SH3BGRL2: variants seen among roughly 807,000 people sequenced by gnomAD.
SH3BGRL2 encodes SH3 domain-binding glutamic acid-rich-like protein 2.
In SH3BGRL2, 21 loss-of-function variants were observed where a neutral mutation model predicts 14.8. The observed-to-expected ratio is 1.42, with a 90% CI of 1.01 to 2.05. The LOEUF (loss-of-function observed/expected upper bound fraction) is 2.05, where lower values mean the gene tolerates loss of function less well. SH3BGRL2 is among the 30% of genes most tolerant of loss of function. The pLI, the probability that SH3BGRL2 is intolerant of heterozygous loss-of-function variation, is 0.00. For missense variants in SH3BGRL2, 147 were observed against 130.8 expected (o/e 1.12, Z -0.61); for synonymous variants, 50 against 47.8 (o/e 1.05, Z -0.19).
the SH3BGRL2 span, among the ~76,000 whole-genome samples, chr6:79,566,330 A>G: frequency 6.6e-6 from 1 of 152,174 alleles, no homozygotes; most frequent in South Asian, 2.1e-4. Context: ...ACCTCAAGTT[A>G]TACTCAAACA....
the SH3BGRL2 span, among the ~76,000 whole-genome samples, chr6:79,615,998 T>C: frequency 6.6e-6 from 1 of 152,148 alleles, no homozygotes; most frequent in African/African-American, 2.4e-5. Context: ...CTACTTTTTG[T>C]AGAGACAGGG....
chr6:79,618,099 A>T, the SH3BGRL2 span, among the ~76,000 whole-genome samples: 3 of 152,202 alleles, frequency 2.0e-5, no homozygotes, highest in African/African-American at 7.2e-5. Flanking sequence ...AAGCATATCT[A>T]TGTAAAGAAG....
the SH3BGRL2 span, among the ~76,000 whole-genome samples, chr6:79,597,570 C>T: frequency 6.6e-6 from 1 of 152,080 alleles, no homozygotes; most frequent in Non-Finnish European, 1.5e-5. Flanking sequence ...GATCCACATG[C>T]AGAAGAATGA....
intron 2 of SH3BGRL2, among the ~76,000 whole-genome samples, chr6:79,688,822 A>C (rs1770152515): frequency 6.6e-6 from 1 of 152,150 alleles, no homozygotes; most frequent in South Asian, 2.1e-4. Context: ...AAATTATTTC[A>C]CATGCATTTA....
the SH3BGRL2 span, among the ~76,000 whole-genome samples, chr6:79,545,809 A>G: frequency 1.3e-5 from 2 of 152,220 alleles, no homozygotes; most frequent in African/African-American, 2.4e-5. Context: ...GAGAAAAGCT[A>G]AGCCTGATGG....
At chr6:79,588,884 C>T in the SH3BGRL2 span, among the ~76,000 whole-genome samples, 3 of 152,016 alleles carry the variant, frequency 2.0e-5, no homozygotes, top group Non-Finnish European at 4.4e-5. Context: ...CCATTGTGCC[C>T]AGGGCTGATT....
chr6:79,607,991 A>G, the SH3BGRL2 span, among the ~76,000 whole-genome samples: 2 of 152,176 alleles, frequency 1.3e-5, no homozygotes, highest in Non-Finnish European at 2.9e-5. Flanking sequence ...ATGGTTCCTC[A>G]GGCTGTACAG....
chr6:79,647,464 T>C (rs917913974), intron 1 of SH3BGRL2, among the ~76,000 whole-genome samples: 1 of 152,170 alleles, frequency 6.6e-6, no homozygotes, highest in Non-Finnish European at 1.5e-5. Context: ...CTCCTATGTA[T>C]TTATGAATAT....
the SH3BGRL2 span, among the ~76,000 whole-genome samples, chr6:79,553,710 G>T: frequency 1.3e-5 from 2 of 152,062 alleles, no homozygotes; most frequent in African/African-American, 4.8e-5. Context: ...GGTGGCTCAC[G>T]CCTGTAATCC....
upstream of SH3BGRL2, among the ~76,000 whole-genome samples, chr6:79,627,144 C>G (rs1349817515): frequency 6.6e-6 from 1 of 152,162 alleles, no homozygotes; most frequent in Non-Finnish European, 1.5e-5. Flanking sequence ...TCAACTTGCT[C>G]AAAGCTTCTC....
chr6:79,667,475 C>T (rs1159031332), intron 1 of SH3BGRL2, among the ~76,000 whole-genome samples: 5 of 150,842 alleles, frequency 3.3e-5, no homozygotes, highest in African/African-American at 9.7e-5. Flanking sequence ...GAGACAGAGT[C>T]TCACTCTGTC....
chr6:79,545,974 C>G, the SH3BGRL2 span, among the ~76,000 whole-genome samples: 1 of 151,972 alleles, frequency 6.6e-6, no homozygotes, highest in Non-Finnish European at 1.5e-5. Flanking sequence ...ATGAATAACA[C>G]TGACTTTCCA....
the SH3BGRL2 span, among the ~76,000 whole-genome samples, chr6:79,545,167 A>G: frequency 1.3e-5 from 2 of 152,092 alleles, no homozygotes; most frequent in Non-Finnish European, 2.9e-5. Context: ...CTTAACAATG[A>G]CCTGTTTCCC....
chr6:79,562,930 C>A, the SH3BGRL2 span, among the ~76,000 whole-genome samples: 1 of 152,136 alleles, frequency 6.6e-6, no homozygotes, highest in South Asian at 2.1e-4. Flanking sequence ...GTGGGTTGGA[C>A]AAGCTTGGTC....
intron 2 of SH3BGRL2, among the ~76,000 whole-genome samples, chr6:79,688,898 A>G (rs1300651085): frequency 6.6e-6 from 1 of 152,052 alleles, no homozygotes; most frequent in Non-Finnish European, 1.5e-5. Flanking sequence ...GTTTCACTTT[A>G]TATTTATGTA....
the SH3BGRL2 span, among the ~76,000 whole-genome samples, chr6:79,610,065 A>G: frequency 6.6e-5 from 10 of 152,238 alleles, no homozygotes; most frequent in Non-Finnish European, 1.3e-4. Flanking sequence ...CTGAGTTTAC[A>G]TTCGCTCCTT....
chr6:79,588,134 A>T, the SH3BGRL2 span, among the ~76,000 whole-genome samples: 3 of 152,132 alleles, frequency 2.0e-5, no homozygotes, highest in Admixed American at 2.0e-4. Context: ...TCTACTAAAA[A>T]TACAAAAAAT....
At chr6:79,677,007 A>G (rs750073204) in intron 2 of SH3BGRL2, among the ~76,000 whole-genome samples, 3 of 152,104 alleles carry the variant, frequency 2.0e-5, no homozygotes, top group Non-Finnish European at 2.9e-5. Flanking sequence ...CACGACAGCT[A>G]TTGGCGTATG....
rs899615087 is a variant in SH3BGRL2 at position 79,701,806 on chromosome 6, T to A, written c.*2297T>A. 2.0e-5 allele frequency: 3 copies of A among 152,538 alleles called. No individual in the cohort carries two copies. Among genetic ancestry groups the A allele is most frequent in the East Asian group, 1.9e-4 (1 of 5,176 alleles). 9.4% of individuals were successfully genotyped at this position (152,538 alleles called of 1,614,324 possible). ...TTACTTGTATTCTTTTATCAGCTGA[T>A]TTTGAAACATATAATAATGATTTTC... is the stretch of plus-strand genomic sequence containing the variant. On this transcript the variant is annotated 3_prime_UTR_variant, in exon 4 of 4. Transcript: ENST00000369838.
Sources: allele counts gnomAD v4.1 joint callset (sites outside exome capture counted in the v4.1 genomes callset), GRCh38; gene constraint gnomAD v4.1.1; transcripts MANE v1.5; gene names NCBI Gene and HGNC (gene_info 2026-07-23, HGNC 2026-07-21).